The following CDH13 variants were observed in gnomAD, a reference collection of about 807,000 sequenced individuals.
CDH13 encodes cadherin 13.
Under a neutral mutation model 63.8 loss-of-function variants are expected in CDH13, and 24 were observed. The ratio of observed to expected loss-of-function variants is 0.38; its 90% CI spans 0.27 to 0.53. The LOEUF (loss-of-function observed/expected upper bound fraction) is 0.53. Ranked by LOEUF, CDH13 falls within the 20% of genes least tolerant of loss-of-function variation. CDH13 has a pLI of 0.85. For synonymous variants in CDH13, 503 were observed against 355.3 expected (o/e 1.42, Z -4.67); for missense variants, 1,049 against 903.1 (o/e 1.16, Z -2.07).
rs148716321 is a variant in CDH13, at chr16:82,797,157, C to T, written c.46-61205C>T. ...TTTATAATAATGTTCAATAGTTTTTCCTATACGTCACTCTTTCAGTGTGGG... is the reference window on the plus strand; with the variant it reads ...TTTATAATAATGTTCAATAGTTTTTTCTATACGTCACTCTTTCAGTGTGGG... On this transcript the variant is annotated intron_variant, in intron 1 of 13. Transcript: ENST00000567109. Among the ~76,000 whole-genome samples, 491 of 152,262 alleles carry T rather than the reference C, an allele frequency of 3.2e-3. 3 individuals are homozygous for T. The highest frequency in any genetic ancestry group is 0.011 in the African/African-American group (474 of 41,562).
chr16:83,047,049 C>A lies in CDH13; in HGVS notation c.366+14831C>A, dbSNP rs1185447009. 6.6e-5 allele frequency among the ~76,000 whole-genome samples: 10 copies of A among 152,192 alleles called. No individual in the cohort carries two copies. Among genetic ancestry groups the A allele is most frequent in the Admixed American group, 3.3e-4 (5 of 15,276 alleles). On this transcript the variant is annotated intron_variant, in intron 3 of 13. Coordinates refer to ENST00000567109, the MANE Select transcript of CDH13 (RefSeq NM_001257.5). This position sits in a 1 kb window ranked among gnomAD's most constrained non-coding sequence, Gnocchi z 4.9. ...ACAGAGAATGTGCACTGTCAACCAA[C>A]CCCTTCATCGAGTCAGGCAAATTAG...
At chr16:83,254,964 T>TTCGTTCG (rs1906053894) in intron 5 of CDH13, among the ~76,000 whole-genome samples, 3 of 5,750 alleles carry the variant, frequency 5.2e-4, no homozygotes, top group Admixed American at 5.1e-3. Flanking sequence ...TCTTTCTTTC[T>TTCGTTCG]TTCTTTCTTT....
chr16:83,153,456 G>A (rs766054028), intron 4 of CDH13, among the ~76,000 whole-genome samples: 2 of 152,100 alleles, frequency 1.3e-5, no homozygotes, highest in Non-Finnish European at 2.9e-5. Flanking sequence ...TTCTAATCTT[G>A]TGGCTAATGT....
At chr16:83,733,789 G>A (rs391967) in intron 10 of CDH13, among the ~76,000 whole-genome samples, 1,937 of 152,162 alleles carry the variant, frequency 0.013, 35 homozygotes, top group African/African-American at 0.042. Flanking sequence ...CCCAGTGAGC[G>A]TGTTTCTTTG....
At chr16:83,227,270 A>G (rs13334212) in intron 5 of CDH13, among the ~76,000 whole-genome samples, 6,560 of 152,262 alleles carry the variant, frequency 0.043, 161 homozygotes, top group African/African-American at 0.069. Context: ...TGGCATGGGA[A>G]GTGCTGGTCT....
At chr16:83,502,958 G>A (rs1482510501) in intron 7 of CDH13, among the ~76,000 whole-genome samples, 1 of 152,186 alleles carries the variant, frequency 6.6e-6, no homozygotes, top group African/African-American at 2.4e-5. Context: ...GCATGAAAGT[G>A]TTCCTCTCAG....
chr16:83,012,318 CTT>C (rs33972456), intron 2 of CDH13, among the ~76,000 whole-genome samples: 49,628 of 121,376 alleles, frequency 0.41, 8,464 homozygotes, highest in Middle Eastern at 0.44. Context: ...GGTTTCTTTC[CTT>C]TTTTTTTTTT....
chr16:83,593,696 T>C (rs1395331263), intron 7 of CDH13, among the ~76,000 whole-genome samples: 1 of 152,148 alleles, frequency 6.6e-6, no homozygotes, highest in African/African-American at 2.4e-5. Context: ...AGTGGGCTAA[T>C]TGTGTTATAA....
intron 5 of CDH13, among the ~76,000 whole-genome samples, chr16:83,287,997 C>A (rs951230827): frequency 1.3e-5 from 2 of 152,184 alleles, no homozygotes; most frequent in African/African-American, 4.8e-5. Context: ...ATCAGTATTA[C>A]TGATTTCTTT....
At chr16:82,930,427 C>T (rs149481896) in intron 2 of CDH13, among the ~76,000 whole-genome samples, 1 of 151,812 alleles carries the variant, frequency 6.6e-6, no homozygotes, top group African/African-American at 2.4e-5. Context: ...TTATATTAAA[C>T]ATAGGTGTCT....
intron 3 of CDH13, among the ~76,000 whole-genome samples, chr16:83,110,852 C>G (rs1188017251): frequency 6.6e-6 from 1 of 151,860 alleles, no homozygotes; most frequent in African/African-American, 2.4e-5. Context: ...TGGAGCATAC[C>G]CCCAAAACCC....
chr16:82,936,141 C>T (rs2042660495), intron 2 of CDH13, among the ~76,000 whole-genome samples: 1 of 152,248 alleles, frequency 6.6e-6, no homozygotes, highest in East Asian at 1.9e-4. Context: ...ACGGAGCTGC[C>T]ATCTTGAACA....
At chr16:82,650,617 T>C (rs1356887976) in intron 1 of CDH13, among the ~76,000 whole-genome samples, 1 of 152,192 alleles carries the variant, frequency 6.6e-6, no homozygotes, top group Non-Finnish European at 1.5e-5. Flanking sequence ...ATTCAGTTAA[T>C]ACCTTTCTTT....
intron 6 of CDH13, among the ~76,000 whole-genome samples, chr16:83,367,211 A>G (rs2091275038): frequency 6.6e-6 from 1 of 152,184 alleles, no homozygotes. Flanking sequence ...TTTCATATAA[A>G]TGCAGTCATG....
intron 7 of CDH13, among the ~76,000 whole-genome samples, chr16:83,493,270 C>A (rs750237896): frequency 6.6e-6 from 1 of 152,206 alleles, no homozygotes; most frequent in Non-Finnish European, 1.5e-5. Flanking sequence ...TCCTACAGGA[C>A]GTACATTTAC....
At chr16:83,142,142 TTTTG>T (rs1297586414) in intron 4 of CDH13, among the ~76,000 whole-genome samples, 8 of 149,450 alleles carry the variant, frequency 5.4e-5, no homozygotes, top group African/African-American at 1.7e-4. Context: ...CCTGAACCAT[TTTTG>T]TTTGTTTGTT....
At chr16:83,154,349 G>T (rs1055818868) in intron 4 of CDH13, among the ~76,000 whole-genome samples, 5 of 152,048 alleles carry the variant, frequency 3.3e-5, no homozygotes, top group Non-Finnish European at 7.4e-5. Context: ...AAGGTCAGGA[G>T]ATCCAGACCA....
At chr16:83,513,923 A>G (rs2074636470) in intron 7 of CDH13, among the ~76,000 whole-genome samples, 1 of 152,178 alleles carries the variant, frequency 6.6e-6, no homozygotes, top group Non-Finnish European at 1.5e-5. Context: ...AATGAAGGAA[A>G]AAAAGTAAGG....
intron 5 of CDH13, among the ~76,000 whole-genome samples, chr16:83,224,747 C>G (rs149459984): frequency 5.8e-4 from 89 of 152,308 alleles, no homozygotes; most frequent in African/African-American, 1.5e-3. Context: ...ACTTCTCAGC[C>G]TCTGTTTTCT....
Sources: gnomAD v4.1 joint callset for allele counts (sites outside exome capture counted in the v4.1 genomes callset) on GRCh38, gnomAD v4.1.1 for gene constraint, Gnocchi (gnomAD v3.1) non-coding constraint, MANE v1.5 for transcripts, NCBI Gene and HGNC (gene_info 2026-07-23, HGNC 2026-07-21) for gene names.